Variants in ZNF266 observed in about 807,000 individuals in gnomAD.
ZNF266 encodes the protein zinc finger protein 266, also known as zinc finger protein 1.
In ZNF266, 16 loss-of-function variants were observed where a neutral mutation model predicts 16.4. The ratio of observed to expected loss-of-function variants is 0.98; its 90% CI spans 0.66 to 1.48. The LOEUF (loss-of-function observed/expected upper bound fraction) is 1.48, where lower values mean the gene tolerates loss of function less well. Ranked by LOEUF, ZNF266 falls within the 40% of genes most tolerant of loss-of-function variation. The pLI, the probability that ZNF266 is intolerant of heterozygous loss-of-function variation, is 0.00. For missense variants in ZNF266, 738 were observed against 689.1 expected, an observed-to-expected ratio of 1.07 and a Z score of -0.79; for synonymous variants, 262 against 237.9, an observed-to-expected ratio of 1.10 and a Z score of -0.93.
intron 5 of ZNF266, among the ~76,000 whole-genome samples, chr19:9,422,715 G>A (rs2070113503): frequency 1.3e-5 from 2 of 152,198 alleles, no homozygotes; most frequent in Non-Finnish European, 2.9e-5. Flanking sequence ...CAGAGCAGAA[G>A]CACTACAGCC....
In ZNF266 at chr19:9,413,367, A is replaced by G; in HGVS notation, c.1759T>C (p.Tyr587His). The change falls in exon 11 of 11, where the codon TAT becomes CAT. Residue 587 changes from tyrosine (Y) to histidine (H), a missense_variant. Transcript: ENST00000592904. The stretch of plus-strand genomic sequence containing the variant: ...GCTTTCCCGCACTCCTTACATTCAT[A>G]GGGTTTCTCTCCAGTGTGAGTTCGT... Reference protein sequence around the residue: ...HERTHTGEKPYECKECGKAFS... With the variant: ...HERTHTGEKPHECKECGKAFS... 1 of 1,614,168 alleles carries G rather than the reference A, an allele frequency of 6.2e-7. No individual in the cohort carries two copies. The highest frequency in any genetic ancestry group is 8.5e-7 in the Non-Finnish European group (1 of 1,180,000).
intron 5 of ZNF266, among the ~76,000 whole-genome samples, chr19:9,431,192 C>T (rs977035740): frequency 3.3e-5 from 5 of 152,150 alleles, no homozygotes; most frequent in Non-Finnish European, 5.9e-5. Context: ...AATTGCGACA[C>T]GGTGGTCAGC....
intron 5 of ZNF266, among the ~76,000 whole-genome samples, chr19:9,430,686 C>T (rs1376990039): frequency 6.6e-6 from 1 of 152,164 alleles, no homozygotes; most frequent in Non-Finnish European, 1.5e-5. Context: ...CTACTTGTTC[C>T]TCACCTCACT....
intron 5 of ZNF266, among the ~76,000 whole-genome samples, chr19:9,427,240 A>T (rs2123318208): frequency 6.6e-6 from 1 of 152,268 alleles, no homozygotes; most frequent in South Asian, 2.1e-4. Context: ...GCCCACACCC[A>T]ATATTATTAA....
intron 5 of ZNF266, among the ~76,000 whole-genome samples, chr19:9,431,483 C>T (rs1178983788): frequency 6.6e-6 from 1 of 152,216 alleles, no homozygotes; most frequent in Admixed American, 6.5e-5. Context: ...GGCCTCCGAA[C>T]GTGAACACTG....
At chr19:9,421,239 T>C (rs2069834409) in intron 5 of ZNF266, among the ~76,000 whole-genome samples, 1 of 152,130 alleles carries the variant, frequency 6.6e-6, no homozygotes. Flanking sequence ...ATGAGAAGGC[T>C]GAAACTCTGA....
At position 9,414,551 on chromosome 19, in the gene ZNF266, C is replaced by G. The variant is rs1301414667; in HGVS notation, c.575G>C (p.Gly192Ala). Reference protein sequence around the residue: ...FLTLHKKTSTGEQRSVFSQCG... With the variant: ...FLTLHKKTSTAEQRSVFSQCG... ...CTGACTAAATACAGAACGTTGCTCT[C>G]CAGTAGAGGTTTTCTTGTGCAGAGT... Residue 192 changes from glycine (G) to alanine (A), a missense_variant, in exon 11 of 11, where the codon GGA becomes GCA. Physicochemically the swap from Gly to Ala is moderately conservative, Grantham distance 60 (BLOSUM62 0). Transcript: ENST00000592904. 3.7e-6 allele frequency: 6 copies of G among 1,613,834 alleles called. No individual in the cohort carries two copies. Among genetic ancestry groups the G allele is most frequent in the Non-Finnish European group, 5.1e-6 (6 of 1,179,846 alleles).
At chr19:9,416,692 GAC>G (rs2069074318) in intron 9 of ZNF266, among the ~76,000 whole-genome samples, 1 of 58,156 alleles carries the variant, frequency 1.7e-5, no homozygotes, top group African/African-American at 7.8e-5. Context: ...TTTTTTTTGA[GAC>G]AGAGTCTTGC....
rs1391764013 is a variant in ZNF266, at chr19:9,434,125, A to G, written c.-299T>C. On this transcript the variant is annotated 5_prime_UTR_variant, in exon 4 of 11. Transcript: ENST00000592904. Reference sequence around the variant, plus strand: ...TCTCTCTCACCATAGAAGTGGAGTCAGCCAATTCACAGAATGCTTTGCCCA... The same window carrying G: ...TCTCTCTCACCATAGAAGTGGAGTCGGCCAATTCACAGAATGCTTTGCCCA... 2 of 152,364 alleles carry G rather than the reference A, an allele frequency of 1.3e-5. No individual in the cohort carries two copies. The highest frequency in any genetic ancestry group is 3.9e-4 in the East Asian group (2 of 5,190). The allele number at this position is 152,364 out of a possible 1,614,324, so 9.4% of individuals were successfully genotyped here.
rs753560588 is a variant in ZNF266, at chr19:9,414,180, A to G, written c.946T>C (p.Phe316Leu). ...TGAGTAAGTTGACAAGACCTGGTGA[A>G]GGCTTTCCCACACTCCTTACACTCA... The part of the protein sequence containing the change: ...PYECKECGKA[F>L]TRSCQLTQHR... The change falls in exon 11 of 11, where the codon TTC becomes CTC. Residue 316 changes from phenylalanine to leucine, a missense_variant. By Grantham distance (22) the Phe-to-Leu change is conservative (BLOSUM62 0). Transcript: ENST00000592904. 4.3e-6 allele frequency: 7 copies of G among 1,613,974 alleles called. No homozygotes were observed. The South Asian group carries it at 6.6e-5, about 15-fold the overall frequency.
At position 9,413,849 on chromosome 19, in the gene ZNF266, T is replaced by C; in HGVS notation, c.1277A>G (p.Lys426Arg). 1.9e-6 allele frequency: 3 copies of C among 1,614,100 alleles called. No individual in the cohort carries two copies. Among genetic ancestry groups the C allele is most frequent in the Non-Finnish European group, 2.5e-6 (3 of 1,179,992 alleles). Residue 426 changes from lysine to arginine, a missense_variant, in exon 11 of 11, where the codon AAA (lysine) becomes AGA (arginine). By Grantham distance (26) the Lys-to-Arg change is conservative. Coordinates refer to ENST00000592904, the MANE Select transcript of ZNF266 (RefSeq NM_001370374.1). The stretch of plus-strand genomic sequence containing the variant: ...AAGGTCTGAGTTCTGAGTGAAGGCT[T>C]TCCCACAATCCTTACATTTATAGGG... ...IKPYKCKDCG[K>R]AFTQNSDLTK...
At chr19:9,421,559 C>T (rs1170878530) in intron 5 of ZNF266, among the ~76,000 whole-genome samples, 1 of 152,168 alleles carries the variant, frequency 6.6e-6, no homozygotes, top group African/African-American at 2.4e-5. Flanking sequence ...TCTATCTTTT[C>T]ACTCTCAACT....
At chr19:9,418,100 T>C (rs1009446577) in intron 8 of ZNF266, among the ~76,000 whole-genome samples, 192 bp from the exon 9 acceptor site, 2 of 152,222 alleles carry the variant, frequency 1.3e-5, no homozygotes, top group Non-Finnish European at 2.9e-5. Context: ...TCCAGGCTGA[T>C]GTACACACTT....
chr19:9,414,090 C>T lies in ZNF266; in HGVS notation c.1036G>A (p.Val346Ile). 6.2e-7 allele frequency: 1 copy of T among 1,613,320 alleles called. No homozygotes were observed. Among genetic ancestry groups the T allele is most frequent in the Non-Finnish European group, 8.5e-7 (1 of 1,179,796 alleles). Reference protein sequence around the residue: ...KCKDCGRAFTVSSCLSQHMKI... With the variant: ...KCKDCGRAFTISSCLSQHMKI... ...ATATGTTGACTTAAGCAAGAGGAAA[C>T]AGTGAAGGCTCTCCCACAATCCTTA... Residue 346 changes from valine (V) to isoleucine (I), a missense_variant, in exon 11 of 11, where the codon GTT becomes ATT. By Grantham distance (29) the Val-to-Ile change is conservative. Transcript: ENST00000592904.
chr19:9,431,146 T>C (rs2071524716), intron 5 of ZNF266, among the ~76,000 whole-genome samples: 1 of 152,170 alleles, frequency 6.6e-6, no homozygotes, highest in Non-Finnish European at 1.5e-5. Flanking sequence ...GGACATGGGA[T>C]GGACACTGCA....
intron 5 of ZNF266, among the ~76,000 whole-genome samples, chr19:9,426,009 G>A (rs1456978899): frequency 6.6e-6 from 1 of 152,094 alleles, no homozygotes; most frequent in African/African-American, 2.4e-5. Flanking sequence ...GTACAGACGA[G>A]GCCACCAGAC....
At chr19:9,430,222 T>G (rs2071387236) in intron 5 of ZNF266, among the ~76,000 whole-genome samples, 1 of 152,160 alleles carries the variant, frequency 6.6e-6, no homozygotes, top group Non-Finnish European at 1.5e-5. Context: ...AAAAGACTGA[T>G]CAACTGCCTT....
intron 5 of ZNF266, among the ~76,000 whole-genome samples, chr19:9,428,272 G>A (rs1183232683): frequency 6.6e-6 from 1 of 152,180 alleles, no homozygotes. Context: ...AGCTCTGCCT[G>A]GCCACTGAGG....
chr19:9,413,149 C>A lies in ZNF266; in HGVS notation c.*126G>T, dbSNP rs1471806856. 2 of 1,207,796 alleles carry A rather than the reference C, an allele frequency of 1.7e-6. No individual in the cohort carries two copies. Among genetic ancestry groups the A allele is most frequent in the Non-Finnish European group, 2.3e-6 (2 of 870,250 alleles). 74.8% of individuals were successfully genotyped at this position (1,207,796 alleles called of 1,614,324 possible). Reference sequence around the variant, plus strand: ...TGCAGGGTCTTCTCCACTGTGAATTCATATGTGTTCATTAAGACCTGAGAT... The same window carrying A: ...TGCAGGGTCTTCTCCACTGTGAATTAATATGTGTTCATTAAGACCTGAGAT... On this transcript the variant is annotated 3_prime_UTR_variant, in exon 11 of 11. Coordinates refer to ENST00000592904, the MANE Select transcript of ZNF266 (RefSeq NM_001370374.1).
Sources: allele counts gnomAD v4.1 joint callset (sites outside exome capture counted in the v4.1 genomes callset), GRCh38; gene constraint gnomAD v4.1.1; transcripts MANE v1.5; gene names NCBI Gene and HGNC (gene_info 2026-07-23, HGNC 2026-07-21).